The following ZNF799 variants were observed in gnomAD, a reference collection of about 807,000 sequenced individuals.
ZNF799 encodes zinc finger protein 14.
Under a neutral mutation model 41.0 loss-of-function variants are expected in ZNF799, and 28 were observed. That is an observed-to-expected ratio of 0.68 (90% CI 0.51 to 0.94). ZNF799 has a LOEUF of 0.94. ZNF799 is among the 40% of genes least tolerant of loss of function. The pLI is 0.00. For missense variants in ZNF799, 716 were observed against 764.3 expected (o/e 0.94, Z 0.74); for synonymous variants, 213 against 252.9 (o/e 0.84, Z 1.50).
At chr19:12,409,252 G>A in the ZNF799 span, among the ~76,000 whole-genome samples, 3 of 152,154 alleles carry the variant, frequency 2.0e-5, no homozygotes, top group African/African-American at 7.2e-5. Flanking sequence ...GCGCTCCTAT[G>A]AGAATCTAAT....
At chr19:12,402,942 G>A (rs1179483972), upstream of ZNF799, among the ~76,000 whole-genome samples, 1 of 152,174 alleles carries the variant, frequency 6.6e-6, no homozygotes, top group African/African-American at 2.4e-5. Context: ...AGTAATATTG[G>A]CTTTGTAAAA....
intron 1 of ZNF799, among the ~76,000 whole-genome samples, chr19:12,396,052 TAAACAGA>T (rs1222373804): frequency 2.6e-5 from 4 of 152,112 alleles, no homozygotes; most frequent in Non-Finnish European, 5.9e-5. Context: ...TCAACACACA[TAAACAGA>T]AAACAGTGAG....
chr19:12,406,199 G>C (rs1287750438), upstream of ZNF799, among the ~76,000 whole-genome samples: 1 of 149,532 alleles, frequency 6.7e-6, no homozygotes, highest in East Asian at 2.0e-4. Context: ...AAAAAAAAAG[G>C]CCCGGCGCGG....
chr19:12,394,103 TG>T (rs1969863073), intron 1 of ZNF799: 1 of 154,046 alleles, frequency 6.5e-6, no homozygotes, highest in Admixed American at 6.4e-5. Flanking sequence ...TAAGAGGTGA[TG>T]TAGTCCTAAG....
At chr19:12,407,783 C>T in the ZNF799 span, among the ~76,000 whole-genome samples, 1 of 152,056 alleles carries the variant, frequency 6.6e-6, no homozygotes, top group Non-Finnish European at 1.5e-5. Context: ...ATACCAGAAG[C>T]CAGTATGATG....
chr19:12,409,103 A>G, the ZNF799 span, among the ~76,000 whole-genome samples: 1 of 151,884 alleles, frequency 6.6e-6, no homozygotes, highest in Non-Finnish European at 1.5e-5. Flanking sequence ...GGTTTTGTGG[A>G]AGACAATTTT....
At chr19:12,406,586 G>A in the ZNF799 span, among the ~76,000 whole-genome samples, 8 of 151,722 alleles carry the variant, frequency 5.3e-5, no homozygotes, top group African/African-American at 1.9e-4. Flanking sequence ...GAAAACAGAT[G>A]TAGGGATAAA....
At chr19:12,413,336 C>T in the ZNF799 span, among the ~76,000 whole-genome samples, 1 of 152,124 alleles carries the variant, frequency 6.6e-6, no homozygotes, top group Admixed American at 6.5e-5. Context: ...CTTAGGAAAG[C>T]GTCTGATTTG....
At chr19:12,405,969 T>C (rs1264759330), upstream of ZNF799, among the ~76,000 whole-genome samples, 2 of 151,902 alleles carry the variant, frequency 1.3e-5, no homozygotes, top group Non-Finnish European at 2.9e-5. Flanking sequence ...GGTCAAGCGA[T>C]TGAGATCATC....
chr19:12,400,968 C>T, intron 1 of ZNF799, 100 bp downstream of exon 1: 1 of 1,607,212 alleles, frequency 6.2e-7, no homozygotes, highest in Non-Finnish European at 8.5e-7. Context: ...CCGTAGATCC[C>T]GGAGTAGCCC....
chr19:12,395,562 G>GATTA (rs771088325), intron 1 of ZNF799, among the ~76,000 whole-genome samples: 17 of 152,314 alleles, frequency 1.1e-4, no homozygotes, highest in Non-Finnish European at 2.4e-4. Flanking sequence ...AACAGACTAT[G>GATTA]ATTAAGACAT....
chr19:12,401,575 A>G (rs1195035359), upstream of ZNF799, among the ~76,000 whole-genome samples: 1 of 87,906 alleles, frequency 1.1e-5, no homozygotes, highest in East Asian at 3.3e-4. Flanking sequence ...TTTCCGAGAG[A>G]GAGAGAGAGA....
the ZNF799 span, among the ~76,000 whole-genome samples, chr19:12,411,879 C>G: frequency 6.6e-6 from 1 of 152,250 alleles, no homozygotes; most frequent in South Asian, 2.1e-4. Flanking sequence ...TCCCAAAGTG[C>G]TAAGATTACA....
At chr19:12,395,582 C>A (rs1969883411) in intron 1 of ZNF799, among the ~76,000 whole-genome samples, 1 of 152,144 alleles carries the variant, frequency 6.6e-6, no homozygotes, top group African/African-American at 2.4e-5. Context: ...TACAGTAGAC[C>A]AACTAAGTCA....
chr19:12,401,571 A>C (rs146613322), upstream of ZNF799, among the ~76,000 whole-genome samples: 4 of 1,786 alleles, frequency 2.2e-3, no homozygotes, highest in Non-Finnish European at 4.5e-3. Flanking sequence ...TTTTTTTCCG[A>C]GAGAGAGAGA....
At chr19:12,404,617 C>T (rs965128134), upstream of ZNF799, among the ~76,000 whole-genome samples, 4 of 152,062 alleles carry the variant, frequency 2.6e-5, no homozygotes, top group African/African-American at 7.2e-5. Context: ...GACAGCAGCC[C>T]GAGATCCCAG....
chr19:12,401,265 G>C lies in ZNF799; in HGVS notation c.-195C>G, dbSNP rs1438419746. On this transcript the variant is annotated 5_prime_UTR_variant, in exon 1 of 4. It adds an upstream start codon to the 5' untranslated region. Transcript: ENST00000430385. The stretch of plus-strand genomic sequence containing the variant: ...ACACACTCCTCTGGGAAGCGCGCCT[G>C]ATTGACAGTTCCCACGAACCCGCCC... The C allele has an allele frequency of 2.9e-6, 4 of 1,379,934 alleles. No homozygotes were observed. The highest frequency in any genetic ancestry group is 2.9e-5 in the African/African-American group (2 of 68,680). 85.5% of individuals were successfully genotyped at this position (1,379,934 alleles called of 1,614,324 possible). A position where few individuals can be genotyped will look rare whatever the true frequency, so the allele number is the denominator to read the frequency against.
upstream of ZNF799, among the ~76,000 whole-genome samples, chr19:12,401,825 T>C (rs1969993812): frequency 6.6e-6 from 1 of 152,076 alleles, no homozygotes; most frequent in African/African-American, 2.4e-5. Flanking sequence ...CCGCCCACCT[T>C]GGCCTCCCAA....
chr19:12,396,801 A>T (rs1969900633), intron 1 of ZNF799, among the ~76,000 whole-genome samples: 1 of 152,012 alleles, frequency 6.6e-6, no homozygotes, highest in African/African-American at 2.4e-5. Context: ...AAATTAATCT[A>T]ATGGGGAAAA....
Sources: gnomAD v4.1 joint callset for allele counts (sites outside exome capture counted in the v4.1 genomes callset) on GRCh38, gnomAD v4.1.1 for gene constraint, MANE v1.5 for transcripts, NCBI Gene and HGNC (gene_info 2026-07-23, HGNC 2026-07-21) for gene names.